Variants in ZFHX3 observed in about 807,000 individuals in gnomAD.
ZFHX3 encodes zinc finger homeobox protein 3.
A neutral mutation model predicts 279.1 loss-of-function variants in ZFHX3; 42 were observed. The ratio of observed to expected loss-of-function variants is 0.15; its 90% confidence interval spans 0.12 to 0.19. The LOEUF is 0.19. Among genes scored for constraint, ZFHX3 ranks in the 10% least tolerant of loss-of-function variants. ZFHX3 has a pLI of 1.00. For synonymous variants in ZFHX3, 2,293 were observed against 1,957.8 expected, an observed-to-expected ratio of 1.17 and a Z score of -4.52; for missense variants, 4,981 against 4,754.0, an observed-to-expected ratio of 1.05 and a Z score of -1.40.
chr16:72,867,096 G>A (rs1245817054), intron 4 of ZFHX3, among the ~76,000 whole-genome samples: 1 of 152,202 alleles, frequency 6.6e-6, no homozygotes, highest in Admixed American at 6.5e-5. Flanking sequence ...AGAAGATGAT[G>A]TGGTGGGTCC....
At chr16:73,566,847 T>C (rs2020458143) in intron 2 of ZFHX3, among the ~76,000 whole-genome samples, 1 of 152,118 alleles carries the variant, frequency 6.6e-6, no homozygotes, top group South Asian at 2.1e-4. Context: ...TACAGGCACA[T>C]GCCACCACAC....
At chr16:73,735,675 C>T (rs149597899) in intron 1 of ZFHX3, among the ~76,000 whole-genome samples, 11 of 152,256 alleles carry the variant, frequency 7.2e-5, no homozygotes, top group East Asian at 1.9e-4. Flanking sequence ...CCTGAAAAGG[C>T]GCCTTTCTCC....
At chr16:73,100,970 C>T (rs1966224326) in intron 7 of ZFHX3, among the ~76,000 whole-genome samples, 1 of 152,278 alleles carries the variant, frequency 6.6e-6, no homozygotes, top group Middle Eastern at 3.4e-3. Flanking sequence ...CACCTGACTG[C>T]TGCTTTCTGC....
intron 1 of ZFHX3, among the ~76,000 whole-genome samples, chr16:73,888,834 A>G (rs62041533): frequency 0.16 from 23,895 of 151,844 alleles, 2,515 homozygotes; most frequent in Middle Eastern, 0.29. Flanking sequence ...GTTAAGGTGC[A>G]GACAGATTTC....
intron 1 of ZFHX3, among the ~76,000 whole-genome samples, chr16:73,759,264 T>C (rs1463187385): frequency 6.6e-6 from 1 of 152,170 alleles, no homozygotes; most frequent in African/African-American, 2.4e-5. Context: ...TCCCATCACA[T>C]GAGCCAAAGT....
chr16:73,204,163 G>T (rs1355428301), intron 5 of ZFHX3, among the ~76,000 whole-genome samples: 2 of 152,010 alleles, frequency 1.3e-5, no homozygotes, highest in Admixed American at 1.3e-4. Flanking sequence ...CTGGTTTCAT[G>T]AAAGACAGTT....
chr16:73,004,994 G>C (rs1164754138), intron 1 of ZFHX3, among the ~76,000 whole-genome samples: 2 of 152,100 alleles, frequency 1.3e-5, no homozygotes, highest in Non-Finnish European at 2.9e-5. Flanking sequence ...ACCATTTATT[G>C]CATAATTTTA....
intron 4 of ZFHX3, 47 bp from the exon 5 acceptor site, chr16:72,829,906 T>G (rs748814066): frequency 1.2e-6 from 2 of 1,608,494 alleles, no homozygotes; most frequent in South Asian, 2.2e-5. Context: ...AAAAAGAAGA[T>G]GAAGGACTTT....
chr16:73,762,528 G>A (rs2053880569), intron 1 of ZFHX3, among the ~76,000 whole-genome samples: 1 of 152,088 alleles, frequency 6.6e-6, no homozygotes, highest in Non-Finnish European at 1.5e-5. Context: ...ACATGCACAA[G>A]TATGCTCATT....
intron 1 of ZFHX3, chr16:72,973,255 C>G (rs1962187462): frequency 6.6e-6 from 1 of 152,246 alleles, no homozygotes; most frequent in Non-Finnish European, 1.5e-5. Context: ...TTGCAGAAAA[C>G]AGAAAGGAAA....
chr16:72,818,329 T>C lies in ZFHX3; in HGVS notation c.3530-6291A>G, dbSNP rs543312670. ...GTGCTTTTGGATTTTGTGATCTGAC[T>C]TTCATTGAAAGTAGAGTTACTCTTG... On this transcript the variant is annotated intron_variant, in intron 5 of 9. Coordinates refer to ENST00000268489, the MANE Select transcript of ZFHX3 (RefSeq NM_006885.4). 1.0e-3 allele frequency among the ~76,000 whole-genome samples: 156 copies of C among 152,220 alleles called. 1 individual carries two copies. Among genetic ancestry groups the C allele is most frequent in the Non-Finnish European group, 1.8e-3 (125 of 68,030 alleles).
chr16:73,532,210 C>G (rs1281422983), intron 2 of ZFHX3, among the ~76,000 whole-genome samples: 1 of 151,874 alleles, frequency 6.6e-6, no homozygotes, highest in Admixed American at 6.6e-5. Flanking sequence ...TGGGAGGGAC[C>G]CCAGGGGGAG....
chr16:73,326,608 G>C (rs1015462661), intron 3 of ZFHX3, among the ~76,000 whole-genome samples: 1 of 152,270 alleles, frequency 6.6e-6, no homozygotes, highest in African/African-American at 2.4e-5. Flanking sequence ...AGGGTTGAGG[G>C]GGGAGGGAAG....
chr16:73,534,965 C>G (rs183422694), intron 2 of ZFHX3, among the ~76,000 whole-genome samples: 1 of 152,110 alleles, frequency 6.6e-6, no homozygotes, highest in East Asian at 1.9e-4. Context: ...GGAGAGGAAG[C>G]AGGCCCCATA....
In ZFHX3 at chr16:72,797,458, C is replaced by CTTGTTGTTGTTG. The variant is rs34918837; in HGVS notation, c.5212_5223dup (p.Gln1738_Gln1741dup). 52 of 1,606,010 alleles carry CTTGTTGTTGTTG rather than the reference C, an allele frequency of 3.2e-5. No individual in the cohort carries two copies. Among genetic ancestry groups the CTTGTTGTTGTTG allele is most frequent in the Admixed American group, 6.7e-5 (4 of 59,810 alleles). On this transcript the variant is annotated inframe_insertion, in exon 9 of 10. Coordinates refer to ENST00000268489, the MANE Select transcript of ZFHX3 (RefSeq NM_006885.4). ...GCCTGGGCCTGGGCCAGCGTTTGTG[C>CTTGTTGTTGTTG]TTGTTGTTGTTGTTGTTGTTGTTGT... is the stretch of plus-strand genomic sequence containing the variant.
intron 1 of ZFHX3, among the ~76,000 whole-genome samples, chr16:73,763,679 C>T (rs556462318): frequency 6.6e-6 from 1 of 152,088 alleles, no homozygotes; most frequent in African/African-American, 2.4e-5. Context: ...TTCTTATTAA[C>T]AGAATATAGC....
chr16:73,436,697 C>T (rs2018005633), intron 3 of ZFHX3, among the ~76,000 whole-genome samples: 1 of 152,076 alleles, frequency 6.6e-6, no homozygotes, highest in South Asian at 2.1e-4. Flanking sequence ...ACCAGGACCT[C>T]CCCTTGCTTT....
chr16:73,331,865 T>G (rs1360163404), intron 3 of ZFHX3, among the ~76,000 whole-genome samples: 2 of 152,154 alleles, frequency 1.3e-5, no homozygotes, highest in Admixed American at 1.3e-4. Flanking sequence ...GAGTAAAGCT[T>G]TCATCTGCCG....
rs1002283756 is a variant in ZFHX3 at position 73,038,523 on chromosome 16, A to G, written c.-50+9229T>C. Among the ~76,000 whole-genome samples the G allele has an allele frequency of 3.3e-5, 5 of 152,348 alleles. No homozygotes were observed. The East Asian group carries it at 7.7e-4, about 23-fold the overall frequency. On this transcript the variant is annotated intron_variant, in intron 1 of 9. Coordinates refer to ENST00000268489, the MANE Select transcript of ZFHX3 (RefSeq NM_006885.4). ...CCACAACTGCACGCGGCTTCTGAGC[A>G]CTGGACATGGGGCTGGTTCTGAGCG...
Sources: allele counts gnomAD v4.1 joint callset (sites outside exome capture counted in the v4.1 genomes callset), GRCh38; gene constraint gnomAD v4.1.1; transcripts MANE v1.5; gene names NCBI Gene and HGNC (gene_info 2026-07-23, HGNC 2026-07-21).